Variants in R3HDM2 observed in about 807,000 individuals in gnomAD.
The protein encoded by R3HDM2 is R3H domain containing 2, also known as R3H domain-containing protein 2.
A neutral mutation model predicts 124.5 loss-of-function variants in R3HDM2; 38 were observed. The ratio of observed to expected loss-of-function variants is 0.31; its 90% CI spans 0.24 to 0.40. The LOEUF is 0.40. R3HDM2 is among the 10% of genes least tolerant of loss of function. The pLI is 1.00. For synonymous variants in R3HDM2, 391 were observed against 448.0 expected, an observed-to-expected ratio of 0.87 and a Z score of 1.61; for missense variants, 869 against 1,236.9, an observed-to-expected ratio of 0.70 and a Z score of 4.46.
At chr12:57,282,673 A>G (rs1281095443) in intron 13 of R3HDM2, among the ~76,000 whole-genome samples, 1 of 152,162 alleles carries the variant, frequency 6.6e-6, no homozygotes, top group Non-Finnish European at 1.5e-5. Context: ...AAAGCAAAAA[A>G]AAAATCATAA....
At chr12:57,421,872 G>A (rs1208508767) in intron 1 of R3HDM2, among the ~76,000 whole-genome samples, 5 of 151,968 alleles carry the variant, frequency 3.3e-5, no homozygotes, top group Admixed American at 2.6e-4. Flanking sequence ...CAAGGGGGGC[G>A]GATCACCTAA....
intron 2 of R3HDM2, among the ~76,000 whole-genome samples, chr12:57,334,080 A>G (rs928601504): frequency 6.6e-6 from 1 of 151,892 alleles, no homozygotes; most frequent in African/African-American, 2.4e-5. Flanking sequence ...TCACATATAT[A>G]AAAAAAACCT....
chr12:57,384,795 G>A (rs1395648715), intron 2 of R3HDM2, among the ~76,000 whole-genome samples: 1 of 152,108 alleles, frequency 6.6e-6, no homozygotes, highest in Non-Finnish European at 1.5e-5. Flanking sequence ...TCTACAATGT[G>A]AATGGCTTAG....
chr12:57,275,584 G>A (rs2044508458), intron 14 of R3HDM2, among the ~76,000 whole-genome samples: 1 of 147,164 alleles, frequency 6.8e-6, no homozygotes, highest in South Asian at 2.1e-4. Flanking sequence ...TCTGACAAAA[G>A]ACTAATATCC....
intron 1 of R3HDM2, among the ~76,000 whole-genome samples, chr12:57,404,789 A>T (rs1482192766): frequency 6.6e-6 from 1 of 152,188 alleles, no homozygotes; most frequent in Admixed American, 6.5e-5. Flanking sequence ...AGGCTGAGGC[A>T]GGAGGATCAC....
In R3HDM2 at chr12:57,300,202, T is replaced by A. The variant is rs759750827; in HGVS notation, c.208-21A>T. The A allele has an allele frequency of 7.2e-6, 11 of 1,532,040 alleles. No homozygotes were observed. The South Asian group carries it at 1.3e-4, about 18-fold the overall frequency. 94.9% of individuals were successfully genotyped at this position (1,532,040 alleles called of 1,614,324 possible). On this transcript the variant is annotated intron_variant, in intron 4 of 23. Coordinates refer to ENST00000402412, the MANE Select transcript of R3HDM2 (RefSeq NM_001394031.1). Reference sequence around the variant, plus strand: ...TTAGACTGAAAAAAACAAAAAACAATTTTCAATTTTTTTAATGTATCTTAT... The same window carrying A: ...TTAGACTGAAAAAAACAAAAAACAAATTTCAATTTTTTTAATGTATCTTAT...
At chr12:57,298,880 T>C (rs768590108) in intron 6 of R3HDM2, among the ~76,000 whole-genome samples, 31 of 152,004 alleles carry the variant, frequency 2.0e-4, no homozygotes, top group Non-Finnish European at 4.1e-4. Flanking sequence ...AGAAAATCGC[T>C]TGAACTCGGG....
chr12:57,296,306 C>T lies in R3HDM2; in HGVS notation c.701+105G>A, dbSNP rs1342972501. 29 of 1,331,898 alleles carry T rather than the reference C, an allele frequency of 2.2e-5. No individual in the cohort carries two copies. The highest frequency in any genetic ancestry group is 3.0e-5 in the Non-Finnish European group (29 of 965,138). 82.5% of individuals were successfully genotyped at this position (1,331,898 alleles called of 1,614,324 possible). A position where few individuals can be genotyped will look rare whatever the true frequency, so the allele number is the denominator to read the frequency against. On this transcript the variant is annotated intron_variant, in intron 9 of 23. Coordinates refer to ENST00000402412, the MANE Select transcript of R3HDM2 (RefSeq NM_001394031.1). The surrounding 1 kb of genome is among the most constrained non-coding windows in gnomAD (Gnocchi z 4.5). ...GTGCTGGGATTACAGGTGTGAGCCA[C>T]CACGCCTGGCCATCTGCAAGAGACA...
chr12:57,357,114 GAATA>G lies in R3HDM2; in HGVS notation c.-36+38631_-36+38634del, dbSNP rs60165527. ...CGAGACTCTGTCTCAAAAAATAAAT[GAATA>G]AATAAATAAATAAATAAATAAATAG... On this transcript the variant is annotated intron_variant, in intron 2 of 23. Coordinates refer to ENST00000402412, the MANE Select transcript of R3HDM2 (RefSeq NM_001394031.1). 2.5e-3 allele frequency among the ~76,000 whole-genome samples: 362 copies of G among 146,740 alleles called. 2 individuals are homozygous for G. Among genetic ancestry groups the G allele is most frequent in the African/African-American group, 3.3e-3 (133 of 39,882 alleles).
chr12:57,385,638 G>A (rs1231077857), intron 2 of R3HDM2, among the ~76,000 whole-genome samples: 3 of 151,222 alleles, frequency 2.0e-5, no homozygotes, highest in East Asian at 2.0e-4. Context: ...CTGAGAGGTC[G>A]AGGCTGCAGT....
At position 57,414,387 on chromosome 12, in the gene R3HDM2, A is replaced by C. The variant is rs540019091; in HGVS notation, c.-106+16333T>G. On this transcript the variant is annotated intron_variant, in intron 1 of 23. Coordinates refer to ENST00000402412, the MANE Select transcript of R3HDM2 (RefSeq NM_001394031.1). Reference sequence around the variant, plus strand: ...GCACCTGTCATCCTAGCTACTGGGAAGGCTGAGGCATGAGAACTGCTTGAA... The same window carrying C: ...GCACCTGTCATCCTAGCTACTGGGACGGCTGAGGCATGAGAACTGCTTGAA... Among the ~76,000 whole-genome samples the C allele has an allele frequency of 1.4e-3, 212 of 147,474 alleles. 1 individual carries two copies. The highest frequency in any genetic ancestry group is 5.0e-3 in the African/African-American group (199 of 40,184).
chr12:57,298,271 G>A, intron 6 of R3HDM2, 103 bp from the exon 7 acceptor site: 1 of 909,816 alleles, frequency 1.1e-6, no homozygotes, highest in East Asian at 2.7e-5. Context: ...AAAAAGAATA[G>A]GAAAGCAAAA....
At chr12:57,386,179 G>C (rs1210397550) in intron 2 of R3HDM2, among the ~76,000 whole-genome samples, 2 of 132,592 alleles carry the variant, frequency 1.5e-5, no homozygotes, top group Admixed American at 1.5e-4. Context: ...CTCGCTCTGG[G>C]GGCCTCCTCT....
chr12:57,291,267 AAT>A (rs143975763), intron 11 of R3HDM2, among the ~76,000 whole-genome samples: 18 of 149,152 alleles, frequency 1.2e-4, no homozygotes, highest in African/African-American at 1.5e-4. Flanking sequence ...ATGATGAAAA[AAT>A]ATATATATAT....
At chr12:57,399,196 G>A (rs1056373136) in intron 1 of R3HDM2, among the ~76,000 whole-genome samples, 5 of 152,084 alleles carry the variant, frequency 3.3e-5, no homozygotes, top group Admixed American at 6.6e-5. Flanking sequence ...GAGGTCAGGA[G>A]TTTGAGACCA....
chr12:57,357,432 A>G (rs2061422382), intron 2 of R3HDM2, among the ~76,000 whole-genome samples: 1 of 151,960 alleles, frequency 6.6e-6, no homozygotes, highest in South Asian at 2.1e-4. Flanking sequence ...ATTGCACTCC[A>G]GCCTGGGCGA....
intron 1 of R3HDM2, among the ~76,000 whole-genome samples, chr12:57,404,472 C>T (rs941884425): frequency 2.0e-5 from 3 of 150,430 alleles, no homozygotes; most frequent in Non-Finnish European, 4.4e-5. Flanking sequence ...CCGAGGAGGG[C>T]AGATCACGAG....
At chr12:57,318,027 T>C (rs6421189) in intron 2 of R3HDM2, among the ~76,000 whole-genome samples, 136,145 of 150,322 alleles carry the variant, frequency 0.91, 63,027 homozygotes, top group East Asian at 1. Context: ...AGGTGGCTCA[T>C]GCCTGTAATT....
At chr12:57,332,488 T>G (rs890905871) in intron 2 of R3HDM2, among the ~76,000 whole-genome samples, 1 of 151,928 alleles carries the variant, frequency 6.6e-6, no homozygotes, top group African/African-American at 2.4e-5. Flanking sequence ...TTCATGTTCT[T>G]TCTTTGATAT....
Sources: allele counts gnomAD v4.1 joint callset (sites outside exome capture counted in the v4.1 genomes callset), GRCh38; gene constraint gnomAD v4.1.1; non-coding constraint Gnocchi (gnomAD v3.1); transcripts MANE v1.5; gene names NCBI Gene and HGNC (gene_info 2026-07-23, HGNC 2026-07-21).